The following CCDC141 variants were observed in gnomAD, a reference collection of about 807,000 sequenced individuals.
CCDC141 encodes the protein coiled-coil domain-containing protein 141.
In CCDC141, 168 loss-of-function variants were observed where a neutral mutation model predicts 181.0. That is an observed-to-expected ratio of 0.93 (90% confidence interval 0.82 to 1.05). The LOEUF is 1.05. CCDC141 is among the 50% of genes least tolerant of loss of function. The pLI is 0.00. For synonymous variants in CCDC141, 666 were observed against 642.3 expected (o/e 1.04, Z -0.56); for missense variants, 1,902 against 1,788.5 (o/e 1.06, Z -1.14).
At chr2:178,829,398 C>T (rs1168570498), downstream of CCDC141, among the ~76,000 whole-genome samples, 2 of 152,202 alleles carry the variant, frequency 1.3e-5, no homozygotes, top group African/African-American at 4.8e-5. Flanking sequence ...AACACAAAGG[C>T]TTGTTCACCC....
the CCDC141 span, among the ~76,000 whole-genome samples, chr2:178,817,133 A>G: frequency 6.6e-6 from 1 of 152,188 alleles, no homozygotes; most frequent in Non-Finnish European, 1.5e-5. Flanking sequence ...AACCTCCACA[A>G]AAGAGTTTTA....
intron 2 of CCDC141, among the ~76,000 whole-genome samples, chr2:178,984,131 A>G (rs1691587729): frequency 6.6e-6 from 1 of 152,224 alleles, no homozygotes; most frequent in Middle Eastern, 3.2e-3. Context: ...CAGAAACCCT[A>G]CGAGCCAGAA....
intron 2 of CCDC141, among the ~76,000 whole-genome samples, chr2:179,010,935 G>C (rs1469596625): frequency 6.6e-6 from 1 of 152,044 alleles, no homozygotes; most frequent in African/African-American, 2.4e-5. Flanking sequence ...AAGTTGGGTA[G>C]ATCACAAGGT....
chr2:178,926,181 T>A (rs1047308045), intron 6 of CCDC141, among the ~76,000 whole-genome samples: 6 of 152,122 alleles, frequency 3.9e-5, no homozygotes, highest in Non-Finnish European at 2.9e-5. Flanking sequence ...TCTGAAGCAT[T>A]TTATTTGCAA....
intron 5 of CCDC141, among the ~76,000 whole-genome samples, chr2:178,960,535 C>T (rs956022098): frequency 6.6e-6 from 1 of 152,290 alleles, no homozygotes; most frequent in South Asian, 2.1e-4. Flanking sequence ...GGAATTAAGA[C>T]AATCAGAATT....
At chr2:179,030,073 A>G (rs2042961247) in intron 2 of CCDC141, among the ~76,000 whole-genome samples, 2 of 152,128 alleles carry the variant, frequency 1.3e-5, no homozygotes, top group South Asian at 4.1e-4. Flanking sequence ...CTGATAGAAC[A>G]CTGAAGTTAT....
At chr2:178,995,029 C>A (rs1475478817) in intron 2 of CCDC141, among the ~76,000 whole-genome samples, 1 of 152,338 alleles carries the variant, frequency 6.6e-6, no homozygotes, top group South Asian at 2.1e-4. Context: ...AACTGTCCCA[C>A]ATTTTCCTGT....
In CCDC141 at chr2:178,878,034, C is replaced by T. The variant is rs1222267488; in HGVS notation, c.1829G>A (p.Trp610Ter). The T allele has an allele frequency of 5.0e-6, 8 of 1,613,838 alleles. No homozygotes were observed. The highest frequency in any genetic ancestry group is 1.3e-5 in the African/African-American group (1 of 75,016). Residue 610 changes from tryptophan (W) to a stop codon, truncating the protein, a stop_gained, in exon 12 of 24, where the codon TGG becomes TAG. Transcript: ENST00000443758. LOFTEE classifies it high-confidence loss of function. ...AAAACTCTTCTTTAAAAATAGCTGC[C>T]ACTGCTTCTCAGCCGAGTCAGAACA... Reference protein sequence around the residue: ...KHCSDSAEKQWQLFLKKSFIT... With the variant: ...KHCSDSAEKQ
the CCDC141 span, among the ~76,000 whole-genome samples, chr2:178,824,061 A>AACACACACACACAC: frequency 0.017 from 2,502 of 147,498 alleles, 31 homozygotes; most frequent in Non-Finnish European, 0.027. Context: ...TACAGAGAAA[A>AACACACACACACAC]ACACACACAC....
chr2:178,879,465 G>A (rs1686496794), intron 11 of CCDC141, among the ~76,000 whole-genome samples: 1 of 152,088 alleles, frequency 6.6e-6, no homozygotes, highest in African/African-American at 2.4e-5. Context: ...TCTATGTTTT[G>A]CTGATGCTTG....
intron 19 of CCDC141, 133 bp from the exon 20 acceptor site, chr2:178,853,757 A>G (rs997798481): frequency 1.6e-6 from 1 of 641,322 alleles, no homozygotes. Flanking sequence ...TCTAAGTCAT[A>G]ATAAAGAAAA....
intron 8 of CCDC141, among the ~76,000 whole-genome samples, chr2:178,890,556 A>G (rs12476741): frequency 0.29 from 44,305 of 152,046 alleles, 8,194 homozygotes; most frequent in Middle Eastern, 0.42. Context: ...GCAGTTATCT[A>G]TAAGTCCTAG....
intron 6 of CCDC141, among the ~76,000 whole-genome samples, chr2:178,937,877 A>C (rs1202035026): frequency 6.6e-6 from 1 of 151,742 alleles, no homozygotes; most frequent in Non-Finnish European, 1.5e-5. Flanking sequence ...TCTGATGGTT[A>C]TTTTTATTTC....
At chr2:178,944,919 C>A (rs1216126213) in intron 5 of CCDC141, among the ~76,000 whole-genome samples, 1 of 151,964 alleles carries the variant, frequency 6.6e-6, no homozygotes, top group East Asian at 1.9e-4. Flanking sequence ...TGAAAATCTC[C>A]TAACAAAGAA....
intron 2 of CCDC141, among the ~76,000 whole-genome samples, chr2:179,042,893 C>A (rs888037559): frequency 6.6e-6 from 1 of 151,714 alleles, no homozygotes; most frequent in Non-Finnish European, 1.5e-5. Flanking sequence ...GATAGAGACA[C>A]AAAAAAACCT....
chr2:179,048,204 T>C (rs2043562451), intron 1 of CCDC141, among the ~76,000 whole-genome samples: 1 of 152,176 alleles, frequency 6.6e-6, no homozygotes, highest in Non-Finnish European at 1.5e-5. Flanking sequence ...AAAGAGAAAT[T>C]AGAAAAATGT....
chr2:178,834,971 A>G (rs1422753043), intron 23 of CCDC141, among the ~76,000 whole-genome samples: 1 of 152,040 alleles, frequency 6.6e-6, no homozygotes, highest in Non-Finnish European at 1.5e-5. Context: ...AAATTGGAAT[A>G]TTGCATATGA....
chr2:178,866,389 C>T (rs776646692), intron 16 of CCDC141, among the ~76,000 whole-genome samples: 8 of 152,198 alleles, frequency 5.3e-5, no homozygotes, highest in Non-Finnish European at 8.8e-5. Context: ...AGTGAGACTT[C>T]TTGCTTTCTT....
intron 1 of CCDC141, among the ~76,000 whole-genome samples, chr2:179,049,124 T>C (rs1173018570): frequency 6.6e-6 from 1 of 152,040 alleles, no homozygotes; most frequent in African/African-American, 2.4e-5. Context: ...AATCATGGAG[T>C]TCTTCTTCAG....
Sources: gnomAD v4.1 joint callset for allele counts (sites outside exome capture counted in the v4.1 genomes callset) on GRCh38, gnomAD v4.1.1 for gene constraint, MANE v1.5 for transcripts, NCBI Gene and HGNC (gene_info 2026-07-23, HGNC 2026-07-21) for gene names.